EDIL3: variants seen among roughly 807,000 people sequenced by gnomAD.
The protein encoded by EDIL3 is EGF-like repeat and discoidin I-like domain-containing protein 3.
Under a neutral mutation model 67.4 loss-of-function variants are expected in EDIL3, and 37 were observed. That is an observed-to-expected ratio of 0.55 (90% confidence interval 0.42 to 0.72). The LOEUF is 0.72. EDIL3 is among the 30% of genes least tolerant of loss of function. The pLI, the probability that EDIL3 is intolerant of heterozygous loss-of-function variation, is 0.00. For synonymous variants in EDIL3, 195 were observed against 196.3 expected (o/e 0.99, Z 0.05); for missense variants, 527 against 586.3 (o/e 0.90, Z 1.04).
intron 1 of EDIL3, among the ~76,000 whole-genome samples, chr5:84,311,712 C>T (rs988728795): frequency 2.0e-5 from 3 of 152,058 alleles, no homozygotes; most frequent in East Asian, 1.9e-4. Flanking sequence ...TGCGGCCTTC[C>T]GCAGTGTTTG....
intron 3 of EDIL3, among the ~76,000 whole-genome samples, chr5:84,197,709 T>C (rs13165263): frequency 6.6e-6 from 1 of 150,872 alleles, no homozygotes; most frequent in Non-Finnish European, 1.5e-5. Context: ...GCTAAATTTG[T>C]AGAACTGAAA....
intron 1 of EDIL3, among the ~76,000 whole-genome samples, chr5:84,269,961 C>A (rs1247927187): frequency 1.3e-5 from 2 of 152,044 alleles, no homozygotes; most frequent in Admixed American, 6.6e-5. Context: ...CTTGTCAAGT[C>A]CTTTGTTAAA....
At chr5:84,070,869 T>C (rs920755235) in intron 6 of EDIL3, among the ~76,000 whole-genome samples, 16 of 152,182 alleles carry the variant, frequency 1.1e-4, no homozygotes, top group Non-Finnish European at 1.9e-4. Flanking sequence ...TGTATGTTTG[T>C]GTAGCTGGGG....
At chr5:84,075,534 G>A (rs1479850584) in intron 6 of EDIL3, among the ~76,000 whole-genome samples, 1 of 151,908 alleles carries the variant, frequency 6.6e-6, no homozygotes, top group Non-Finnish European at 1.5e-5. Flanking sequence ...GGAGTGCAAT[G>A]GTGCAATCTC....
Position 84,044,714 on chromosome 5 carries a change from G to A in EDIL3, c.1137+15586C>T, listed in dbSNP as rs948350743. On this transcript the variant is annotated intron_variant, in intron 9 of 10. Coordinates refer to ENST00000296591, the MANE Select transcript of EDIL3 (RefSeq NM_005711.5). ...AAGGACTAGGAACCAAGAGCTCTGC[G>A]GGCGGTAGAAAGCCTAAGGTGGATG... Among the ~76,000 whole-genome samples, 12 of 152,252 alleles carry A rather than the reference G, an allele frequency of 7.9e-5. No homozygotes were observed. In the South Asian group the frequency reaches 1.5e-3, roughly 18 times the overall value.
intron 9 of EDIL3, among the ~76,000 whole-genome samples, chr5:84,053,281 C>A (rs1746376350): frequency 6.6e-6 from 1 of 152,118 alleles, no homozygotes; most frequent in African/African-American, 2.4e-5. Flanking sequence ...ACACAACTTA[C>A]CAGGATCTCT....
chr5:84,132,287 G>GTATATATTTTATATATAATATATATTA lies in EDIL3; in HGVS notation c.469+4927_469+4953dup, dbSNP rs1335665130. Among the ~76,000 whole-genome samples the GTATATATTTTATATATAATATATATTA allele has an allele frequency of 3.7e-3, 318 of 86,026 alleles. 7 individuals carry two copies. The highest frequency in any genetic ancestry group is 0.012 in the African/African-American group (246 of 20,320). 56.4% of individuals were successfully genotyped at this position (86,026 alleles called of 152,430 possible). On this transcript the variant is annotated intron_variant, in intron 5 of 10. Transcript: ENST00000296591. ...ATAATATATCTTTTTTTCATATATAGTATATATTTTATATATAATATATAT... is the reference window on the plus strand; with the variant it reads ...ATAATATATCTTTTTTTCATATATAGTATATATTTTATATATAATATATATTATATATATTTTATATATAATATATAT...
intron 1 of EDIL3, among the ~76,000 whole-genome samples, chr5:84,259,023 G>A (rs536946357): frequency 2.8e-4 from 37 of 131,362 alleles, no homozygotes; most frequent in African/African-American, 9.5e-4. Context: ...GCAGTGGCGC[G>A]ATCTCAGCTC....
intron 9 of EDIL3, among the ~76,000 whole-genome samples, chr5:84,011,510 T>C (rs1180791636): frequency 6.6e-5 from 10 of 152,218 alleles, no homozygotes; most frequent in Admixed American, 6.5e-4. Context: ...ATTCTCTTCA[T>C]ATATGCCAAC....
intron 1 of EDIL3, among the ~76,000 whole-genome samples, chr5:84,286,778 G>C (rs1261305885): frequency 6.6e-6 from 1 of 152,038 alleles, no homozygotes; most frequent in African/African-American, 2.4e-5. Flanking sequence ...ATAAAATAAG[G>C]CTCTGCACCT....
intron 4 of EDIL3, among the ~76,000 whole-genome samples, chr5:84,163,130 T>C (rs1409440947): frequency 6.6e-6 from 1 of 152,112 alleles, no homozygotes; most frequent in Admixed American, 6.6e-5. Flanking sequence ...AATTTGAACC[T>C]CAAAGAGTGA....
At chr5:84,015,991 G>A (rs939745003) in intron 9 of EDIL3, among the ~76,000 whole-genome samples, 2 of 151,934 alleles carry the variant, frequency 1.3e-5, no homozygotes, top group Non-Finnish European at 2.9e-5. Flanking sequence ...TCATCACCCC[G>A]GTCTCCAGCC....
At chr5:84,015,058 T>C (rs1745578021) in intron 9 of EDIL3, among the ~76,000 whole-genome samples, 1 of 152,170 alleles carries the variant, frequency 6.6e-6, no homozygotes, top group African/African-American at 2.4e-5. Flanking sequence ...CTATGATGAA[T>C]AAACCCACAA....
chr5:84,010,274 C>T (rs939739883), intron 9 of EDIL3, among the ~76,000 whole-genome samples: 1 of 152,118 alleles, frequency 6.6e-6, no homozygotes, highest in East Asian at 1.9e-4. Context: ...CTTACAATTA[C>T]CTCACATAAA....
At chr5:84,284,386 C>T (rs1275079572) in intron 1 of EDIL3, among the ~76,000 whole-genome samples, 2 of 152,096 alleles carry the variant, frequency 1.3e-5, no homozygotes, top group African/African-American at 4.8e-5. Context: ...TCTCCTACGG[C>T]ATGGCTACTA....
Position 83,994,898 on chromosome 5 carries a change from C to T in EDIL3, c.1138-31538G>A, listed in dbSNP as rs550683201. 3.3e-5 allele frequency among the ~76,000 whole-genome samples: 5 copies of T among 152,060 alleles called. No homozygotes were observed. The East Asian group carries it at 5.8e-4, about 18-fold the overall frequency. ...TTCTTAGCTTATCTCCTTTTTATTT[C>T]TTTCTTCCTCATATATATTTCAATA... On this transcript the variant is annotated intron_variant, in intron 9 of 10. Coordinates refer to ENST00000296591, the MANE Select transcript of EDIL3 (RefSeq NM_005711.5).
At chr5:84,069,966 A>G (rs896840812) in intron 6 of EDIL3, among the ~76,000 whole-genome samples, 1 of 152,034 alleles carries the variant, frequency 6.6e-6, no homozygotes, top group African/African-American at 2.4e-5. Context: ...GCAGAAGAGC[A>G]CCACCGACAG....
At chr5:84,305,689 C>A (rs1479437231) in intron 1 of EDIL3, among the ~76,000 whole-genome samples, 1 of 152,106 alleles carries the variant, frequency 6.6e-6, no homozygotes, top group Non-Finnish European at 1.5e-5. Flanking sequence ...ACCATCCTGG[C>A]CAACATGGTG....
chr5:83,991,072 A>G (rs1394435598), intron 9 of EDIL3, among the ~76,000 whole-genome samples: 1 of 152,136 alleles, frequency 6.6e-6, no homozygotes, highest in Admixed American at 6.5e-5. Flanking sequence ...TTAGGGTACA[A>G]AGTAATTTCA....
Sources: allele counts gnomAD v4.1 joint callset (sites outside exome capture counted in the v4.1 genomes callset), GRCh38; gene constraint gnomAD v4.1.1; transcripts MANE v1.5; gene names NCBI Gene and HGNC (gene_info 2026-07-23, HGNC 2026-07-21).